Variants in ZNF566 observed in about 807,000 individuals in gnomAD.
ZNF566 encodes zinc finger protein 566.
In ZNF566, 27 loss-of-function variants were observed where a neutral mutation model predicts 32.8. That is an observed-to-expected ratio of 0.82 (90% CI 0.61 to 1.14). The LOEUF (loss-of-function observed/expected upper bound fraction) is 1.14. Among genes scored for constraint, ZNF566 ranks in the 50% most tolerant of loss-of-function variants. The probability of loss-of-function intolerance (pLI) is 0.00; values close to 1 mark genes in which losing one functional copy is unlikely to be tolerated. For synonymous variants in ZNF566, 154 were observed against 159.5 expected, an observed-to-expected ratio of 0.97 and a Z score of 0.26; for missense variants, 402 against 490.4, an observed-to-expected ratio of 0.82 and a Z score of 1.70.
rs1279567264 is a variant in ZNF566, at chr19:36,477,541, G to GT, written c.-59-926dup. ...TTCTGTTTCTGTTTTTTTTTTGTTT[G>GT]TTTGTTTGTTTTTTTGAGACGGAGT... On this transcript the variant is annotated intron_variant, in intron 1 of 4. Coordinates refer to ENST00000452939, the MANE Select transcript of ZNF566 (RefSeq NM_001145344.1). Among the ~76,000 whole-genome samples the GT allele has an allele frequency of 1.8e-3, 153 of 82,992 alleles. 6 individuals carry two copies. In the East Asian group the frequency reaches 0.027, roughly 15 times the overall value. 54.4% of individuals were successfully genotyped at this position (82,992 alleles called of 152,430 possible).
chr19:36,455,808 A>G (rs774931689), intron 4 of ZNF566, among the ~76,000 whole-genome samples: 4 of 151,992 alleles, frequency 2.6e-5, no homozygotes, highest in Non-Finnish European at 4.4e-5. Context: ...TGGGAGGCCA[A>G]GGTGGGCGGA....
intron 4 of ZNF566, among the ~76,000 whole-genome samples, chr19:36,468,125 C>G (rs534244513): frequency 6.3e-5 from 9 of 143,448 alleles, no homozygotes; most frequent in African/African-American, 2.4e-4. Context: ...GCAGAGGTTG[C>G]GGTGAGCCGA....
intron 4 of ZNF566, among the ~76,000 whole-genome samples, chr19:36,458,127 G>C (rs1254206579): frequency 2.0e-5 from 3 of 151,912 alleles, no homozygotes; most frequent in African/African-American, 7.3e-5. Flanking sequence ...AAATCAGTAT[G>C]GGGGAAAAAA....
chr19:36,452,724 T>A (rs892592333), intron 4 of ZNF566, among the ~76,000 whole-genome samples: 5 of 151,832 alleles, frequency 3.3e-5, no homozygotes, highest in African/African-American at 9.7e-5. Flanking sequence ...ACTAACAATA[T>A]AAAAATATAA....
At chr19:36,462,218 C>T (rs1405286446) in intron 4 of ZNF566, among the ~76,000 whole-genome samples, 1 of 152,092 alleles carries the variant, frequency 6.6e-6, no homozygotes, top group South Asian at 2.1e-4. Flanking sequence ...GAACTCCCGA[C>T]TTCAGGTGAT....
intron 4 of ZNF566, among the ~76,000 whole-genome samples, chr19:36,465,831 T>C (rs1050507686): frequency 1.4e-4 from 22 of 151,834 alleles, no homozygotes; most frequent in African/African-American, 3.9e-4. Context: ...TAAAGGTCAT[T>C]GTTACAGAAT....
rs2033030817 is a variant in ZNF566, at chr19:36,447,702, A to G, written c.*1275T>C. 6.6e-6 allele frequency: 1 copy of G among 152,046 alleles called. No individual in the cohort carries two copies. The allele number at this position is 152,046 out of a possible 1,614,324, so 9.4% of individuals were successfully genotyped here. Reference sequence around the variant, plus strand: ...TTTTTACTGGGTATATAATGCGACAAAAAGAGTATTAGTCGGAATAAAGTC... The same window carrying G: ...TTTTTACTGGGTATATAATGCGACAGAAAGAGTATTAGTCGGAATAAAGTC... On this transcript the variant is annotated 3_prime_UTR_variant, in exon 5 of 5. Coordinates refer to ENST00000452939, the MANE Select transcript of ZNF566 (RefSeq NM_001145344.1).
intron 4 of ZNF566, among the ~76,000 whole-genome samples, chr19:36,467,790 C>CAAAAAAAAAAAAAAAAAAAAAAAAAAAAA: frequency 1.2e-5 from 1 of 85,918 alleles, no homozygotes; most frequent in Non-Finnish European, 2.1e-5. Flanking sequence ...GACTCCATCT[C>CAAAAAAAAAAAAAAAAAAAAAAAAAAAAA]AAAAAAAAAA....
chr19:36,478,091 AC>A (rs2033940366), intron 1 of ZNF566, among the ~76,000 whole-genome samples: 1 of 152,020 alleles, frequency 6.6e-6, no homozygotes, highest in Admixed American at 6.6e-5. Flanking sequence ...TATAAAACTG[AC>A]CACCCAGAAA....
At chr19:36,461,301 C>A (rs952682967) in intron 4 of ZNF566, among the ~76,000 whole-genome samples, 1 of 152,102 alleles carries the variant, frequency 6.6e-6, no homozygotes, top group Admixed American at 6.6e-5. Flanking sequence ...TAGGATACAC[C>A]CTGAGTTACT....
At chr19:36,463,173 A>G (rs1440416464) in intron 4 of ZNF566, among the ~76,000 whole-genome samples, 3 of 151,404 alleles carry the variant, frequency 2.0e-5, no homozygotes, top group Non-Finnish European at 4.4e-5. Context: ...GCACGGTGGC[A>G]CATGTCTGCG....
intron 1 of ZNF566, among the ~76,000 whole-genome samples, chr19:36,489,204 C>G (rs998056620): frequency 6.6e-6 from 1 of 152,170 alleles, no homozygotes; most frequent in Non-Finnish European, 1.5e-5. Flanking sequence ...TAACACTCAA[C>G]CAGGCACAAG....
Position 36,445,199 on chromosome 19 carries a change from T to C in ZNF566, c.*3778A>G, listed in dbSNP as rs2032964067. 1 of 152,070 alleles carries C rather than the reference T, an allele frequency of 6.6e-6. No homozygotes were observed. The highest frequency in any genetic ancestry group is 6.6e-5 in the Admixed American group (1 of 15,260). The allele number at this position is 152,070 out of a possible 1,614,324, so 9.4% of individuals were successfully genotyped here. A position where few individuals can be genotyped will look rare whatever the true frequency, so the allele number is the denominator to read the frequency against. The stretch of plus-strand genomic sequence containing the variant: ...TACATACATCTTTATTTCCAAGTAA[T>C]AAAAGCTATTGAAAAGTGTCAAGGA... On this transcript the variant is annotated 3_prime_UTR_variant, in exon 5 of 5. Transcript: ENST00000452939.
Position 36,473,803 on chromosome 19 carries a change from T to A in ZNF566, c.10-345A>T, listed in dbSNP as rs1364867675. On this transcript the variant is annotated intron_variant, in intron 2 of 4. Coordinates refer to ENST00000452939, the MANE Select transcript of ZNF566 (RefSeq NM_001145344.1). ...TGTCATATAATAAATCAACGATACA[T>A]GTGATCTTTCTCCCTCTCTTTTCCC... is the stretch of plus-strand genomic sequence containing the variant. Among the ~76,000 whole-genome samples, 3 of 152,192 alleles carry A rather than the reference T, an allele frequency of 2.0e-5. No homozygotes were observed. The East Asian group carries it at 5.8e-4, about 29-fold the overall frequency.
At chr19:36,477,525 TG>T (rs1568528968) in intron 1 of ZNF566, among the ~76,000 whole-genome samples, 21 of 105,602 alleles carry the variant, frequency 2.0e-4, no homozygotes, top group African/African-American at 6.2e-4. Context: ...TTTCTGTTTC[TG>T]TTTTTTTTTT....
chr19:36,449,036 A>G lies in ZNF566; in HGVS notation c.1198T>C (p.Cys400Arg). 6.2e-7 allele frequency: 1 copy of G among 1,606,944 alleles called. No homozygotes were observed. Among genetic ancestry groups the G allele is most frequent in the South Asian group, 1.1e-5 (1 of 89,394 alleles). ...TSEKPYEYRE[C>R]GKNFNYDPQL... is the part of the protein sequence containing the mutation. ...GGGTCATAATTAAAGTTCTTTCCAC[A>G]TTCCCTATATTCATAGGGTTTCTCA... The change falls in exon 5 of 5, where the codon TGT (cysteine) becomes CGT (arginine). Residue 400 changes from cysteine (C) to arginine (R), a missense_variant. Around this residue, in one of 3 missense-constraint regions of ZNF566, gnomAD observed 47 missense variants for 38.5 expected, o/e 1.22. Coordinates refer to ENST00000452939, the MANE Select transcript of ZNF566 (RefSeq NM_001145344.1).
intron 4 of ZNF566, among the ~76,000 whole-genome samples, chr19:36,458,401 A>G (rs2145652074): frequency 6.6e-6 from 1 of 152,324 alleles, no homozygotes; most frequent in Non-Finnish European, 1.5e-5. Flanking sequence ...AGCCAGGCAC[A>G]GAAAGACAGA....
In ZNF566 at chr19:36,449,757, T is replaced by TA. The variant is rs1344245039; in HGVS notation, c.476_477insT (p.Leu160IlefsTer6). On this transcript the variant is annotated frameshift_variant, in exon 5 of 5. Transcript: ENST00000452939. LOFTEE classifies it high-confidence loss of function. ...TTTTACTGTTAATGATTTGCTGTAATGTGAAGGATGGATGGTGACTCAAAG... is the reference window on the plus strand; with the variant it reads ...TTTTACTGTTAATGATTTGCTGTAATAGTGAAGGATGGATGGTGACTCAAAG... The TA allele has an allele frequency of 6.2e-7, 1 of 1,614,176 alleles. No individual in the cohort carries two copies. Among genetic ancestry groups the TA allele is most frequent in the Non-Finnish European group, 8.5e-7 (1 of 1,180,024 alleles).
chr19:36,477,502 G>A (rs918682317), intron 1 of ZNF566, among the ~76,000 whole-genome samples: 3 of 150,786 alleles, frequency 2.0e-5, no homozygotes, highest in African/African-American at 7.3e-5. Flanking sequence ...GGATATACCT[G>A]GGTCAAACCA....
Sources: gnomAD v4.1 joint callset for allele counts (sites outside exome capture counted in the v4.1 genomes callset) on GRCh38, gnomAD v4.1.1 for gene constraint, gnomAD v4.1.1 regional missense constraint, MANE v1.5 for transcripts, NCBI Gene and HGNC (gene_info 2026-07-23, HGNC 2026-07-21) for gene names.